The following FAM20A variants were observed in gnomAD, a reference collection of about 807,000 sequenced individuals.
FAM20A encodes the protein FAM20A golgi associated secretory pathway pseudokinase, also known as pseudokinase FAM20A.
In FAM20A, 42 loss-of-function variants were observed where a neutral mutation model predicts 52.0. That is an observed-to-expected ratio of 0.81 (90% CI 0.63 to 1.04). The LOEUF (loss-of-function observed/expected upper bound fraction) is 1.04, where lower values mean the gene tolerates loss of function less well. Ranked by LOEUF, FAM20A falls within the 50% of genes least tolerant of loss-of-function variation. The pLI, the probability that FAM20A is intolerant of heterozygous loss-of-function variation, is 0.00. For missense variants in FAM20A, 742 were observed against 712.7 expected, an observed-to-expected ratio of 1.04 and a Z score of -0.47; for synonymous variants, 304 against 298.9, an observed-to-expected ratio of 1.02 and a Z score of -0.18.
intron 1 of FAM20A, among the ~76,000 whole-genome samples, chr17:68,567,451 G>A (rs2087409264): frequency 6.6e-6 from 1 of 151,884 alleles, no homozygotes; most frequent in South Asian, 2.1e-4. Context: ...CTTCTGTTCT[G>A]CCCAGTGAAG....
rs2086186691 is a variant in FAM20A at position 68,539,211 on chromosome 17, T to G, written c.1361+126A>C. ...ACAAATGTGTAGGAAATAAGGTGAT[T>G]CATGTCATTCTACCCACTTACGTCC... On this transcript the variant is annotated intron_variant, in intron 10 of 10. Transcript: ENST00000592554. 4.8e-6 allele frequency: 4 copies of G among 829,986 alleles called. No individual in the cohort carries two copies. The South Asian group carries it at 5.7e-5, about 12-fold the overall frequency. The allele number at this position is 829,986 out of a possible 1,614,324, so 51.4% of individuals were successfully genotyped here. A position where few individuals can be genotyped will look rare whatever the true frequency, so the allele number is the denominator to read the frequency against.
At chr17:68,540,180 C>T (rs1269598339) in intron 8 of FAM20A, among the ~76,000 whole-genome samples, 1 of 152,220 alleles carries the variant, frequency 6.6e-6, no homozygotes, top group Non-Finnish European at 1.5e-5. Context: ...AATGGACTGG[C>T]TTCAAGTCTA....
At chr17:68,591,423 A>AG (rs1482140958) in intron 1 of FAM20A, among the ~76,000 whole-genome samples, 4 of 152,190 alleles carry the variant, frequency 2.6e-5, no homozygotes, top group African/African-American at 9.7e-5. Flanking sequence ...TAATGCTGTG[A>AG]GGGCAGTTCC....
chr17:68,560,323 G>A lies in FAM20A; in HGVS notation c.405-4580C>T, dbSNP rs540824991. ...TCACGCCACTGCACTCTGGCCTGGC[G>A]ACAGAGCGAAACTCCATCTCAAAAA... is the stretch of plus-strand genomic sequence containing the variant. On this transcript the variant is annotated intron_variant, in intron 1 of 10. Transcript: ENST00000592554. 3.1e-4 allele frequency among the ~76,000 whole-genome samples: 45 copies of A among 144,690 alleles called. No homozygotes were observed. The South Asian group carries it at 8.9e-3, about 29-fold the overall frequency. The allele number at this position is 144,690 out of a possible 152,430, so 94.9% of individuals were successfully genotyped here.
At position 68,552,665 on chromosome 17, in the gene FAM20A, C is replaced by CTTTTTTT. The variant is rs1568739140; in HGVS notation, c.641-715_641-714insAAAAAAA. Among the ~76,000 whole-genome samples the CTTTTTTT allele has an allele frequency of 6.5e-4, 71 of 109,984 alleles. 8 individuals are homozygous for CTTTTTTT. Among genetic ancestry groups the CTTTTTTT allele is most frequent in the African/African-American group, 2.1e-3 (66 of 30,990 alleles). The allele number at this position is 109,984 out of a possible 152,430, so 72.2% of individuals were successfully genotyped here. ...CTGGAGCCCTGTAAACCTTTATTTT[C>CTTTTTTT]CTTTTTTTTTTTTTTTTTTTTTTTT... is the stretch of plus-strand genomic sequence containing the variant. On this transcript the variant is annotated intron_variant, in intron 3 of 10. Coordinates refer to ENST00000592554, the MANE Select transcript of FAM20A (RefSeq NM_017565.4).
At chr17:68,578,373 C>A (rs1457112546) in intron 1 of FAM20A, among the ~76,000 whole-genome samples, 1 of 152,242 alleles carries the variant, frequency 6.6e-6, no homozygotes, top group South Asian at 2.1e-4. Context: ...CCTTGTGGCT[C>A]ACTCAGATTA....
chr17:68,539,244 G>A, intron 10 of FAM20A, 93 bp downstream of exon 10: 1 of 1,266,052 alleles, frequency 7.9e-7, no homozygotes, highest in Non-Finnish European at 1.2e-6. Flanking sequence ...TCCTGGACCA[G>A]TGAAAACTGG....
intron 4 of FAM20A, among the ~76,000 whole-genome samples, chr17:68,547,924 T>A (rs935937282): frequency 6.6e-6 from 1 of 152,248 alleles, no homozygotes; most frequent in African/African-American, 2.4e-5. Context: ...GCCTCCTGAA[T>A]AATTTCTCGC....
intron 2 of FAM20A, 41 bp downstream of exon 2, chr17:68,555,518 G>T: frequency 1.2e-6 from 2 of 1,605,602 alleles, no homozygotes; most frequent in South Asian, 2.2e-5. Context: ...GACTCTCTGG[G>T]AGAAAGTCAG....
Position 68,600,068 on chromosome 17 carries a change from C to G in FAM20A, c.404+195G>C, listed in dbSNP as rs546312058. Among the ~76,000 whole-genome samples the G allele has an allele frequency of 1.3e-5, 2 of 152,290 alleles. No homozygotes were observed. The highest frequency in any genetic ancestry group is 3.9e-4 in the East Asian group (2 of 5,178). ...ACTTTTTCCTCGTACTATCTGACTCCGGGACTGGACTGTGAGGTCTGCAAC... is the reference window on the plus strand; with the variant it reads ...ACTTTTTCCTCGTACTATCTGACTCGGGGACTGGACTGTGAGGTCTGCAAC... On this transcript the variant is annotated intron_variant, in intron 1 of 10. Coordinates refer to ENST00000592554, the MANE Select transcript of FAM20A (RefSeq NM_017565.4). This position sits in a 1 kb window ranked among gnomAD's most constrained non-coding sequence, Gnocchi z 6.2.
In FAM20A at chr17:68,542,145, C is replaced by G; in HGVS notation, c.949G>C (p.Ala317Pro). 3 of 1,613,924 alleles carry G rather than the reference C, an allele frequency of 1.9e-6. No individual in the cohort carries two copies. Among genetic ancestry groups the G allele is most frequent in the Non-Finnish European group, 2.5e-6 (3 of 1,180,012 alleles). ...VSPASNVCFF[A>P]KCPYMCKTEY... Reference sequence around the variant, plus strand: ...GTCTTGCACATGTATGGACACTTGGCGAAGAAGCACACGTTGCTCGCTGGA... The same window carrying G: ...GTCTTGCACATGTATGGACACTTGGGGAAGAAGCACACGTTGCTCGCTGGA... Residue 317 changes from alanine (A) to proline (P), a missense_variant, in exon 7 of 11, where the codon GCC becomes CCC. Physicochemically the swap from Ala to Pro is conservative, Grantham distance 27 (BLOSUM62 -1). Coordinates refer to ENST00000592554, the MANE Select transcript of FAM20A (RefSeq NM_017565.4).
intron 1 of FAM20A, among the ~76,000 whole-genome samples, chr17:68,571,976 GTATATACATACA>G (rs2087551677): frequency 1.1e-5 from 1 of 88,098 alleles, no homozygotes; most frequent in Non-Finnish European, 2.3e-5. Flanking sequence ...ATATGTGTGT[GTATATACATACA>G]TATATATATA....
chr17:68,573,642 TCTTTCTTC>T (rs796187106), intron 1 of FAM20A, among the ~76,000 whole-genome samples: 429 of 151,060 alleles, frequency 2.8e-3, no homozygotes, highest in African/African-American at 8.3e-3. Flanking sequence ...TTCCCTCCTT[TCTTTCTTC>T]CTTTCTTCCT....
chr17:68,539,808 G>T, intron 9 of FAM20A, 77 bp downstream of exon 9: 1 of 1,434,158 alleles, frequency 7.0e-7, no homozygotes, highest in Non-Finnish European at 9.8e-7. Context: ...CAGGGCGTCT[G>T]TTTCCCCCGA....
chr17:68,541,895 G>A (rs2086313457), intron 7 of FAM20A, 90 bp downstream of exon 7: 2 of 1,468,422 alleles, frequency 1.4e-6, no homozygotes, highest in East Asian at 2.3e-5. Context: ...CAGCTTTTCA[G>A]ATTCAAAAGC....
intron 2 of FAM20A, 113 bp from the exon 3 acceptor site, chr17:68,554,940 G>C (rs920345686): frequency 8.8e-7 from 1 of 1,132,694 alleles, no homozygotes. Flanking sequence ...CTGTGATGTA[G>C]CCTGGGGCCC....
chr17:68,596,201 C>CCACACACACACA (rs140687859), intron 1 of FAM20A, among the ~76,000 whole-genome samples: 20,911 of 149,424 alleles, frequency 0.14, 1,731 homozygotes, highest in East Asian at 0.3. Context: ...ATGTGGGAAA[C>CCACACACACACA]CACACACACA....
chr17:68,538,303 T>A (rs185444163), intron 10 of FAM20A, among the ~76,000 whole-genome samples: 23 of 152,286 alleles, frequency 1.5e-4, no homozygotes, highest in African/African-American at 5.1e-4. Flanking sequence ...TTGACTTTTG[T>A]CAAAAACAGG....
chr17:68,548,206 C>T (rs2086656404), intron 4 of FAM20A, among the ~76,000 whole-genome samples: 1 of 152,108 alleles, frequency 6.6e-6, no homozygotes, highest in African/African-American at 2.4e-5. Flanking sequence ...CCAGCCTGGC[C>T]AACACAGTGA....
Sources: gnomAD v4.1 joint callset for allele counts (sites outside exome capture counted in the v4.1 genomes callset) on GRCh38, gnomAD v4.1.1 for gene constraint, Gnocchi (gnomAD v3.1) non-coding constraint, MANE v1.5 for transcripts, NCBI Gene and HGNC (gene_info 2026-07-23, HGNC 2026-07-21) for gene names.